INPP4B: variants seen among roughly 807,000 people sequenced by gnomAD.
INPP4B encodes the protein inositol polyphosphate-4-phosphatase type II B.
In INPP4B, 55 loss-of-function variants were observed where a neutral mutation model predicts 122.5. The ratio of observed to expected loss-of-function variants is 0.45; its 90% CI spans 0.36 to 0.56. The LOEUF (loss-of-function observed/expected upper bound fraction) is 0.56, where lower values mean the gene tolerates loss of function less well. Ranked by LOEUF, INPP4B falls within the 20% of genes least tolerant of loss-of-function variation. The pLI is 0.00. For missense variants in INPP4B, 1,000 were observed against 1,097.7 expected (o/e 0.91, Z 1.26); for synonymous variants, 403 against 388.7 (o/e 1.04, Z -0.43).
intron 23 of INPP4B, among the ~76,000 whole-genome samples, chr4:142,090,027 C>T (rs1243161914): frequency 2.0e-5 from 3 of 152,168 alleles, no homozygotes; most frequent in Admixed American, 1.3e-4. Context: ...CTAGTATTAA[C>T]ACAATAGACC....
intron 1 of INPP4B, among the ~76,000 whole-genome samples, chr4:142,791,077 T>C (rs1295735687): frequency 8.5e-5 from 13 of 152,144 alleles, no homozygotes; most frequent in Non-Finnish European, 1.8e-4. Flanking sequence ...TACATTATTA[T>C]CTTTTGAACT....
At chr4:142,090,105 G>C (rs971935788) in intron 23 of INPP4B, among the ~76,000 whole-genome samples, 1 of 152,080 alleles carries the variant, frequency 6.6e-6, no homozygotes, top group African/African-American at 2.4e-5. Context: ...TTTCATTATA[G>C]ACATGGAAAT....
At chr4:142,033,653 T>G (rs1367846634) in intron 25 of INPP4B, among the ~76,000 whole-genome samples, 3 of 147,364 alleles carry the variant, frequency 2.0e-5, no homozygotes, top group African/African-American at 7.5e-5. Context: ...ATCTCCTAAG[T>G]AAGTTCTCCA....
intron 2 of INPP4B, among the ~76,000 whole-genome samples, chr4:142,658,848 AG>A (rs1240954498): frequency 6.6e-6 from 1 of 152,104 alleles, no homozygotes; most frequent in African/African-American, 2.4e-5. Flanking sequence ...TAACAGTTCT[AG>A]GAGGTCCAAG....
chr4:142,137,738 C>A (rs1352665806), intron 18 of INPP4B, among the ~76,000 whole-genome samples: 7 of 150,164 alleles, frequency 4.7e-5, no homozygotes, highest in African/African-American at 1.7e-4. Context: ...TATGAACAGA[C>A]ACTTCTCAAA....
intron 1 of INPP4B, among the ~76,000 whole-genome samples, chr4:142,751,024 G>T (rs997501095): frequency 6.6e-6 from 1 of 152,026 alleles, no homozygotes; most frequent in Non-Finnish European, 1.5e-5. Flanking sequence ...TACAGTTATT[G>T]TAGAAAGACC....
intron 2 of INPP4B, among the ~76,000 whole-genome samples, chr4:142,643,955 C>T (rs545409837): frequency 1.8e-4 from 28 of 152,164 alleles, no homozygotes; most frequent in Middle Eastern, 3.4e-3. Context: ...AATCCCAGTG[C>T]TTTGGGAGGC....
chr4:142,807,250 G>A (rs1249974625), intron 1 of INPP4B, among the ~76,000 whole-genome samples: 1 of 152,124 alleles, frequency 6.6e-6, no homozygotes, highest in Non-Finnish European at 1.5e-5. Context: ...TAACAAAAAG[G>A]CACCAAGAAA....
At chr4:142,450,624 G>A (rs1201193568) in intron 3 of INPP4B, among the ~76,000 whole-genome samples, 3 of 152,142 alleles carry the variant, frequency 2.0e-5, no homozygotes, top group African/African-American at 7.2e-5. Flanking sequence ...TTCTGAGGAC[G>A]TTTATGTGCC....
chr4:142,690,474 T>C (rs538980247), intron 2 of INPP4B, among the ~76,000 whole-genome samples: 1 of 152,316 alleles, frequency 6.6e-6, no homozygotes, highest in African/African-American at 2.4e-5. Context: ...ATTTGCTGCC[T>C]CCTTGATTCT....
intron 25 of INPP4B, among the ~76,000 whole-genome samples, chr4:142,065,034 AAG>A (rs539521755): frequency 3.0e-4 from 46 of 152,270 alleles, no homozygotes; most frequent in Non-Finnish European, 3.7e-4. Flanking sequence ...TAAATTTAGG[AAG>A]AGTCTTGAGT....
intron 1 of INPP4B, among the ~76,000 whole-genome samples, chr4:142,764,880 C>T (rs1298692178): frequency 6.6e-6 from 1 of 151,920 alleles, no homozygotes; most frequent in Admixed American, 6.6e-5. Flanking sequence ...AAGACGTTCG[C>T]TTGGTTAGAA....
chr4:142,149,343 A>G (rs1460457216), intron 17 of INPP4B, among the ~76,000 whole-genome samples: 1 of 152,210 alleles, frequency 6.6e-6, no homozygotes, highest in African/African-American at 2.4e-5. Context: ...TAGCTAATTT[A>G]ATGTTCAAAA....
chr4:142,145,396 A>C (rs1248883945), intron 18 of INPP4B, among the ~76,000 whole-genome samples: 1 of 152,138 alleles, frequency 6.6e-6, no homozygotes, highest in Non-Finnish European at 1.5e-5. Flanking sequence ...AATTTACACA[A>C]ATATTTCTCA....
intron 15 of INPP4B, among the ~76,000 whole-genome samples, chr4:142,174,416 G>A (rs1827054018): frequency 6.6e-6 from 1 of 152,102 alleles, no homozygotes; most frequent in African/African-American, 2.4e-5. Flanking sequence ...TAGGTGAGGG[G>A]TGTGGAGGAA....
intron 2 of INPP4B, among the ~76,000 whole-genome samples, chr4:142,514,812 T>TC (rs1424539363): frequency 1.3e-5 from 2 of 148,558 alleles, no homozygotes; most frequent in African/African-American, 5.0e-5. Context: ...TTTTTTTTTT[T>TC]TGAGACGAAG....
intron 2 of INPP4B, among the ~76,000 whole-genome samples, chr4:142,539,197 G>T (rs1317743160): frequency 6.6e-6 from 1 of 151,088 alleles, no homozygotes; most frequent in African/African-American, 2.4e-5. Context: ...GAGTGTCTGA[G>T]AAAGTCAAAA....
intron 5 of INPP4B, chr4:142,423,780 C>T (rs954871003): frequency 2.3e-6 from 1 of 428,282 alleles, no homozygotes; most frequent in Non-Finnish European, 4.6e-6. Context: ...AGACCTTCTA[C>T]AAGTGGTGGC....
chr4:142,670,119 CACT>C (rs1756777831), intron 2 of INPP4B, among the ~76,000 whole-genome samples: 1 of 152,098 alleles, frequency 6.6e-6, no homozygotes, highest in African/African-American at 2.4e-5. Flanking sequence ...GCCCATTAAT[CACT>C]TAAGAGTCAC....
Sources: allele counts gnomAD v4.1 joint callset (sites outside exome capture counted in the v4.1 genomes callset), GRCh38; gene constraint gnomAD v4.1.1; transcripts MANE v1.5; gene names NCBI Gene and HGNC (gene_info 2026-07-23, HGNC 2026-07-21).